The following FAM13A variants were observed in gnomAD, a reference collection of about 807,000 sequenced individuals.
FAM13A encodes family with sequence similarity 13 member A.
FAM13A carries 76 observed loss-of-function variants against 129.6 expected under a neutral mutation model. The ratio of observed to expected loss-of-function variants is 0.59; its 90% CI spans 0.49 to 0.71. The LOEUF is 0.71. Ranked by LOEUF, FAM13A falls within the 30% of genes least tolerant of loss-of-function variation. The probability of loss-of-function intolerance (pLI) is 0.00; values close to 1 mark genes in which losing one functional copy is unlikely to be tolerated. For synonymous variants in FAM13A, 443 were observed against 449.9 expected (o/e 0.98, Z 0.20); for missense variants, 1,108 against 1,249.3 (o/e 0.89, Z 1.70).
In FAM13A at chr4:89,020,575, G is replaced by A. The variant is rs750717772; in HGVS notation, c.312C>T (p.Leu104=). ...LKFESGVPVE[L]GKDGDVCSAA... ...CTGAGCAGACATCACCGTCCTTCCC[G>A]AGCTCCACGGGCACTCCACTCTCGA... is the stretch of plus-strand genomic sequence containing the variant. The change falls in exon 3 of 24, where the codon CTC becomes CTT. Residue 104 remains leucine (L), a synonymous_variant. Transcript: ENST00000264344. 9.3e-6 allele frequency: 15 copies of A among 1,613,868 alleles called. No individual in the cohort carries two copies. The East Asian group carries it at 1.6e-4, about 17-fold the overall frequency.
At chr4:88,745,707 T>C (rs149312169) in intron 19 of FAM13A, among the ~76,000 whole-genome samples, 1 of 152,324 alleles carries the variant, frequency 6.6e-6, no homozygotes. Flanking sequence ...CACAGTGTAT[T>C]TGAGCTCTAG....
intron 3 of FAM13A, among the ~76,000 whole-genome samples, chr4:89,011,540 G>A (rs892785668): frequency 6.6e-5 from 10 of 151,952 alleles, no homozygotes; most frequent in African/African-American, 2.4e-4. Context: ...CTTCTATTAT[G>A]TGAGATCTTT....
intron 10 of FAM13A, among the ~76,000 whole-genome samples, chr4:88,785,381 G>GT (rs1553976676): frequency 6.6e-6 from 1 of 152,034 alleles, no homozygotes; most frequent in Non-Finnish European, 1.5e-5. Context: ...ACTCTTGACT[G>GT]TAGGCTATAT....
intron 3 of FAM13A, among the ~76,000 whole-genome samples, chr4:89,012,837 C>G (rs1467538143): frequency 6.6e-6 from 1 of 151,558 alleles, no homozygotes; most frequent in East Asian, 1.9e-4. Flanking sequence ...GCTGTTTACA[C>G]AGGATATAAT....
Position 88,851,006 on chromosome 4 carries a change from G to C in FAM13A, c.1007+14C>G. On this transcript the variant is annotated intron_variant, in intron 7 of 23. Transcript: ENST00000264344. ...ATGCAATATGGATTGTGTAGATAAA[G>C]AAAACATGCCAACCTGGGTACCAAC... is the stretch of plus-strand genomic sequence containing the variant. 1 of 1,613,316 alleles carries C rather than the reference G, an allele frequency of 6.2e-7. No individual in the cohort carries two copies. The highest frequency in any genetic ancestry group is 1.1e-5 in the South Asian group (1 of 91,038).
intron 5 of FAM13A, among the ~76,000 whole-genome samples, chr4:88,923,210 A>G (rs1289684145): frequency 2.0e-5 from 3 of 152,356 alleles, no homozygotes; most frequent in African/African-American, 7.2e-5. Flanking sequence ...TGAGGCCAGC[A>G]TCATCCTGAT....
chr4:89,011,297 C>T (rs943444632), intron 3 of FAM13A, among the ~76,000 whole-genome samples: 3 of 152,086 alleles, frequency 2.0e-5, no homozygotes, highest in Non-Finnish European at 4.4e-5. Flanking sequence ...GATGGTTGCA[C>T]AACACTGAGA....
At chr4:88,958,147 TAAAAGGAGCCAAGAGCTAATAGC>T (rs1398083509) in intron 4 of FAM13A, among the ~76,000 whole-genome samples, 1 of 151,830 alleles carries the variant, frequency 6.6e-6, no homozygotes, top group Non-Finnish European at 1.5e-5. Context: ...TTTGCGTGAC[TAAAAGGAGCCAAGAGCTAATAGC>T]CGATACAATG....
intron 4 of FAM13A, among the ~76,000 whole-genome samples, chr4:88,961,051 C>T (rs961671189): frequency 6.6e-6 from 1 of 151,982 alleles, no homozygotes; most frequent in Admixed American, 6.6e-5. Context: ...TTTTAAGCCA[C>T]GATTTAGAAT....
In FAM13A at chr4:88,769,567, C is replaced by T. The variant is rs561661915; in HGVS notation, c.1459-1508G>A. ...ACTAGAATAATGATGGGCGTGGTGG[C>T]TCACACCTGTAATCCCAGCACTTTG... On this transcript the variant is annotated intron_variant, in intron 11 of 23. Transcript: ENST00000264344. Among the ~76,000 whole-genome samples the T allele has an allele frequency of 2.6e-5, 4 of 152,274 alleles. No homozygotes were observed. The East Asian group carries it at 7.7e-4, about 29-fold the overall frequency.
rs78193601 is a variant in FAM13A at position 88,733,145 on chromosome 4, C to T, written c.2647-947G>A. Among the ~76,000 whole-genome samples the T allele has an allele frequency of 4.2e-3, 645 of 152,332 alleles. 1 individual carries two copies. Among genetic ancestry groups the T allele is most frequent in the African/African-American group, 0.015 (625 of 41,584 alleles). On this transcript the variant is annotated intron_variant, in intron 21 of 23. Transcript: ENST00000264344. Reference sequence around the variant, plus strand: ...CCAAATGGTTTCCATGCCAGTGCAGCAAAAACATCTCAGGAGGCCGCAGCA... The same window carrying T: ...CCAAATGGTTTCCATGCCAGTGCAGTAAAAACATCTCAGGAGGCCGCAGCA...
At chr4:88,777,919 G>A (rs1722097435) in intron 11 of FAM13A, among the ~76,000 whole-genome samples, 1 of 152,088 alleles carries the variant, frequency 6.6e-6, no homozygotes, top group Non-Finnish European at 1.5e-5. Flanking sequence ...CTTCCTCTTT[G>A]AGTCCCTTGG....
At chr4:89,007,691 AC>A (rs1160179891) in intron 3 of FAM13A, among the ~76,000 whole-genome samples, 1 of 152,252 alleles carries the variant, frequency 6.6e-6, no homozygotes, top group Non-Finnish European at 1.5e-5. Context: ...AGGGTAAGTA[AC>A]TTGGCCATAC....
At chr4:88,823,219 T>C in intron 7 of FAM13A, 12 of 1,403,072 alleles carry the variant, frequency 8.6e-6, no homozygotes, top group Non-Finnish European at 1.1e-5. Flanking sequence ...TATCGGCTGC[T>C]TCTCTACATT....
intron 5 of FAM13A, among the ~76,000 whole-genome samples, chr4:88,920,408 T>G: frequency 6.6e-6 from 1 of 152,236 alleles, no homozygotes; most frequent in Non-Finnish European, 1.5e-5. Flanking sequence ...TCCGCTGTTC[T>G]GCAGCCACCG....
intron 6 of FAM13A, among the ~76,000 whole-genome samples, chr4:88,888,073 G>C (rs1425406158): frequency 1.3e-5 from 2 of 152,016 alleles, no homozygotes; most frequent in East Asian, 3.9e-4. Context: ...ACCCATTATA[G>C]ACTGGTCTAT....
At chr4:88,766,275 C>CT (rs1745692348) in intron 13 of FAM13A, among the ~76,000 whole-genome samples, 1 of 152,108 alleles carries the variant, frequency 6.6e-6, no homozygotes, top group Non-Finnish European at 1.5e-5. Flanking sequence ...CAAAACACAA[C>CT]TTGACAGTAT....
At chr4:88,730,009 A>G (rs1737305272) in intron 23 of FAM13A, 1 of 152,230 alleles carries the variant, frequency 6.6e-6, no homozygotes, top group African/African-American at 2.4e-5. Context: ...GTATAAAAAT[A>G]TATGAGACAT....
intron 6 of FAM13A, among the ~76,000 whole-genome samples, chr4:88,856,366 C>G (rs772974385): frequency 6.6e-6 from 1 of 151,926 alleles, no homozygotes; most frequent in Non-Finnish European, 1.5e-5. Flanking sequence ...CACCTGTAGT[C>G]CCAACTACTT....
Sources: gnomAD v4.1 joint callset for allele counts (sites outside exome capture counted in the v4.1 genomes callset) on GRCh38, gnomAD v4.1.1 for gene constraint, MANE v1.5 for transcripts, NCBI Gene and HGNC (gene_info 2026-07-23, HGNC 2026-07-21) for gene names.